Variants in CUX1 observed in about 807,000 individuals in gnomAD.
The protein encoded by CUX1 is protein CASP.
A neutral mutation model predicts 158.8 loss-of-function variants in CUX1; 31 were observed. That is an observed-to-expected ratio of 0.20 (90% CI 0.15 to 0.26). The LOEUF (loss-of-function observed/expected upper bound fraction) is 0.26. Ranked by LOEUF, CUX1 falls within the 10% of genes least tolerant of loss-of-function variation. The probability of loss-of-function intolerance (pLI) is 1.00; values close to 1 mark genes in which losing one functional copy is unlikely to be tolerated. For missense variants in CUX1, 1,589 were observed against 2,014.6 expected, an observed-to-expected ratio of 0.79 and a Z score of 4.04; for synonymous variants, 879 against 862.1, an observed-to-expected ratio of 1.02 and a Z score of -0.34.
At chr7:101,954,420 C>T (rs910771884) in intron 2 of CUX1, among the ~76,000 whole-genome samples, 3 of 152,204 alleles carry the variant, frequency 2.0e-5, no homozygotes, top group Non-Finnish European at 2.9e-5. Flanking sequence ...CTATTATTCC[C>T]GTCCTCGTTG....
intron 2 of CUX1, among the ~76,000 whole-genome samples, chr7:101,980,777 C>G (rs111318166): frequency 2.0e-5 from 3 of 152,102 alleles, no homozygotes; most frequent in Admixed American, 6.6e-5. Context: ...CTGAAGGCCC[C>G]GAGAACCAGC....
chr7:101,968,861 T>C (rs1310502109), intron 2 of CUX1, among the ~76,000 whole-genome samples: 1 of 152,098 alleles, frequency 6.6e-6, no homozygotes, highest in African/African-American at 2.4e-5. Flanking sequence ...GCTGATCAGC[T>C]CTGTGGCCTT....
rs1265156253 is a variant in CUX1 at position 102,195,519 on chromosome 7, C to A, written c.1138C>A (p.Pro380Thr). The part of the protein sequence containing the change: ...EGAGTQDAAK[P>T]LEVLLLEKNR... ...CTGCCCCTTCTAGGATGCGGCCAAGCCCCTGGAGGTGCTGTTGCTGGAGAA... is the reference window on the plus strand; with the variant it reads ...CTGCCCCTTCTAGGATGCGGCCAAGACCCTGGAGGTGCTGTTGCTGGAGAA... The change falls in exon 14 of 24, where the codon CCC becomes ACC. Residue 380 changes from proline to threonine, a missense_variant. Pro to Thr is a conservative substitution (Grantham distance 38). Coordinates refer to ENST00000292535, the MANE Select transcript of CUX1 (RefSeq NM_181552.4). 1 of 1,612,038 alleles carries A rather than the reference C, an allele frequency of 6.2e-7. No homozygotes were observed. Among genetic ancestry groups the A allele is most frequent in the African/African-American group, 1.3e-5 (1 of 74,924 alleles).
At chr7:102,227,704 G>A (rs2132351020) in intron 21 of CUX1, 35 bp downstream of exon 21, 1 of 1,582,198 alleles carries the variant, frequency 6.3e-7, no homozygotes, top group African/African-American at 1.3e-5. Flanking sequence ...GTCAGGAGGT[G>A]GCAGGGAGTT....
intron 2 of CUX1, among the ~76,000 whole-genome samples, chr7:101,969,164 C>CAA (rs200161269): frequency 2.2e-5 from 3 of 137,676 alleles, no homozygotes; most frequent in African/African-American, 5.3e-5. Context: ...CTCATCTCTA[C>CAA]AAAAAAAAAA....
rs192870613 is a variant in CUX1, at chr7:102,257,769, T to C, written c.*8727T>C. 1 of 985,346 alleles carries C rather than the reference T, an allele frequency of 1.0e-6. No homozygotes were observed. Among genetic ancestry groups the C allele is most frequent in the East Asian group, 1.1e-4 (1 of 8,800 alleles). 61.0% of individuals were successfully genotyped at this position (985,346 alleles called of 1,614,324 possible). A position where few individuals can be genotyped will look rare whatever the true frequency, so the allele number is the denominator to read the frequency against. On this transcript the variant is annotated 3_prime_UTR_variant, in exon 24 of 24. Coordinates refer to ENST00000292535, the MANE Select transcript of CUX1 (RefSeq NM_181552.4). Reference sequence around the variant, plus strand: ...TACATTTTAGCAGTATTTTATATTTTCTGTAACGCACCAAGTCTTAGATCT... The same window carrying C: ...TACATTTTAGCAGTATTTTATATTTCCTGTAACGCACCAAGTCTTAGATCT...
chr7:101,972,156 C>T (rs1043175259), intron 2 of CUX1, among the ~76,000 whole-genome samples: 20 of 152,146 alleles, frequency 1.3e-4, no homozygotes, highest in African/African-American at 4.1e-4. Context: ...TTAGTAGAGA[C>T]GGGGTTTCAC....
Position 102,250,186 on chromosome 7 carries a change from A to G in CUX1, c.*1144A>G. 2 of 985,442 alleles carry G rather than the reference A, an allele frequency of 2.0e-6. No homozygotes were observed. The highest frequency in any genetic ancestry group is 4.7e-5 in the South Asian group (1 of 21,290). 61.0% of individuals were successfully genotyped at this position (985,442 alleles called of 1,614,324 possible). A position where few individuals can be genotyped will look rare whatever the true frequency, so the allele number is the denominator to read the frequency against. ...TTAGGAGACAAGTTAGAACTGTAGCATGTACCTGTTAATTTTGTTTAATTT... is the reference window on the plus strand; with the variant it reads ...TTAGGAGACAAGTTAGAACTGTAGCGTGTACCTGTTAATTTTGTTTAATTT... On this transcript the variant is annotated 3_prime_UTR_variant, in exon 24 of 24. Coordinates refer to ENST00000292535, the MANE Select transcript of CUX1 (RefSeq NM_181552.4).
chr7:102,174,876 G>A (rs1554511351), intron 10 of CUX1, among the ~76,000 whole-genome samples: 2 of 152,182 alleles, frequency 1.3e-5, no homozygotes, highest in Admixed American at 6.5e-5. Context: ...CTTGAACCTG[G>A]GAGGGGGAGG....
chr7:102,193,935 G>C, intron 13 of CUX1, 45 bp downstream of exon 13: 1 of 1,596,332 alleles, frequency 6.3e-7, no homozygotes, highest in South Asian at 1.1e-5. Context: ...CAGCCCCGCT[G>C]CTGGTTACCA....
intron 3 of CUX1, among the ~76,000 whole-genome samples, chr7:102,031,767 C>T (rs1820819364): frequency 6.6e-6 from 1 of 152,076 alleles, no homozygotes; most frequent in Non-Finnish European, 1.5e-5. Flanking sequence ...CCCTTAGTTA[C>T]TCTTTTTCAT....
At chr7:102,104,563 G>A in intron 6 of CUX1, 104 bp downstream of exon 6, 2 of 1,455,962 alleles carry the variant, frequency 1.4e-6, no homozygotes, top group Non-Finnish European at 1.9e-6. Flanking sequence ...AGCCCAGGTT[G>A]TAACCCCAAA....
At chr7:102,172,648 G>T (rs1791857717) in intron 10 of CUX1, among the ~76,000 whole-genome samples, 1 of 152,150 alleles carries the variant, frequency 6.6e-6, no homozygotes, top group Admixed American at 6.5e-5. Flanking sequence ...ACCTGAATTG[G>T]GCGTTCTGGC....
intron 2 of CUX1, among the ~76,000 whole-genome samples, chr7:102,027,588 C>T (rs1201183875): frequency 2.0e-5 from 3 of 151,056 alleles, no homozygotes; most frequent in Admixed American, 6.6e-5. Context: ...AGGCCAGGTG[C>T]GGTGGCTCAC....
intron 1 of CUX1, among the ~76,000 whole-genome samples, chr7:101,882,261 G>A (rs189058825): frequency 2.0e-5 from 3 of 152,126 alleles, no homozygotes; most frequent in African/African-American, 4.8e-5. Context: ...TACCACATAA[G>A]TAAGTAATCC....
intron 14 of CUX1, among the ~76,000 whole-genome samples, chr7:102,272,513 T>A (rs11983799): frequency 0.017 from 2,531 of 152,294 alleles, 77 homozygotes; most frequent in African/African-American, 0.058. Flanking sequence ...ATTGTTACCA[T>A]GTTACATGTC....
Position 101,946,565 on chromosome 7 carries a change from AGAG to A in CUX1, c.141+30341_141+30343del, listed in dbSNP as rs1236908414. Among the ~76,000 whole-genome samples the A allele has an allele frequency of 1.0e-4, 15 of 142,960 alleles. No homozygotes were observed. The East Asian group carries it at 1.5e-3, about 14-fold the overall frequency. The allele number at this position is 142,960 out of a possible 152,430, so 93.8% of individuals were successfully genotyped here. A position where few individuals can be genotyped will look rare whatever the true frequency, so the allele number is the denominator to read the frequency against. ...GTCTCAAAAAAAAAAAAAAAAAAAA[AGAG>A]AGAAGGGTTTCCAGCAGGAGGGTCA... On this transcript the variant is annotated intron_variant, in intron 2 of 23. Transcript: ENST00000292535.
upstream of CUX1, chr7:101,817,243 C>T (rs1231668431): frequency 2.0e-6 from 2 of 984,688 alleles, no homozygotes; most frequent in Non-Finnish European, 2.4e-6. The surrounding 1 kb of genome is among the most constrained non-coding windows in gnomAD (Gnocchi z 4.1). Flanking sequence ...CCGCGATCGC[C>T]GCGCGCCTGG....
chr7:101,987,719 T>G (rs560802861), intron 2 of CUX1, among the ~76,000 whole-genome samples: 1 of 152,286 alleles, frequency 6.6e-6, no homozygotes, highest in Non-Finnish European at 1.5e-5. Flanking sequence ...CCCTTGGTCA[T>G]CCGAGGGAGG....
Sources: allele counts gnomAD v4.1 joint callset (sites outside exome capture counted in the v4.1 genomes callset), GRCh38; gene constraint gnomAD v4.1.1; non-coding constraint Gnocchi (gnomAD v3.1); transcripts MANE v1.5; gene names NCBI Gene and HGNC (gene_info 2026-07-23, HGNC 2026-07-21).